The following PPARGC1A variants were observed in gnomAD, a reference collection of about 807,000 sequenced individuals.
PPARGC1A encodes PPARG coactivator 1 alpha.
Under a neutral mutation model 88.7 loss-of-function variants are expected in PPARGC1A, and 25 were observed. The observed-to-expected ratio is 0.28, with a 90% CI of 0.21 to 0.39. PPARGC1A has a LOEUF of 0.39. PPARGC1A is among the 10% of genes least tolerant of loss of function. The pLI is 1.00. For synonymous variants in PPARGC1A, 363 were observed against 355.6 expected, an observed-to-expected ratio of 1.02 and a Z score of -0.24; for missense variants, 880 against 968.7, an observed-to-expected ratio of 0.91 and a Z score of 1.22.
chr4:23,944,659 C>A, the PPARGC1A span, among the ~76,000 whole-genome samples: 2 of 152,160 alleles, frequency 1.3e-5, no homozygotes, highest in African/African-American at 4.8e-5. Flanking sequence ...TGGGAGGTAA[C>A]TGAATCAGAA....
chr4:24,410,465 C>T, the PPARGC1A span, among the ~76,000 whole-genome samples: 1 of 152,226 alleles, frequency 6.6e-6, no homozygotes, highest in African/African-American at 2.4e-5. Flanking sequence ...GACTCCTGCC[C>T]CCACCAACTA....
chr4:24,273,030 C>T, the PPARGC1A span, among the ~76,000 whole-genome samples: 1 of 152,194 alleles, frequency 6.6e-6, no homozygotes, highest in Non-Finnish European at 1.5e-5. Context: ...CAGCCACTTT[C>T]AAGGGATTTT....
chr4:24,238,004 C>T, the PPARGC1A span, among the ~76,000 whole-genome samples: 49 of 152,242 alleles, frequency 3.2e-4, 1 homozygote, highest in Non-Finnish European at 5.6e-4. Flanking sequence ...ATAGCTTCCA[C>T]GTGGATGAGG....
At chr4:24,416,988 C>T in the PPARGC1A span, among the ~76,000 whole-genome samples, 6 of 151,110 alleles carry the variant, frequency 4.0e-5, no homozygotes, top group Admixed American at 4.0e-4. Flanking sequence ...CGAGATCACA[C>T]CATTGCACTC....
the PPARGC1A span, among the ~76,000 whole-genome samples, chr4:23,925,953 T>G: frequency 1.3e-5 from 2 of 152,158 alleles, no homozygotes; most frequent in Admixed American, 1.3e-4. Context: ...AGATTGGTGT[T>G]AGTTGGGCTC....
chr4:24,450,588 TA>T, the PPARGC1A span, among the ~76,000 whole-genome samples: 2 of 151,968 alleles, frequency 1.3e-5, no homozygotes, highest in South Asian at 2.1e-4. Flanking sequence ...TCTTCCCAGT[TA>T]AAAAAAAGGT....
the PPARGC1A span, among the ~76,000 whole-genome samples, chr4:24,188,582 T>A: frequency 2.6e-5 from 4 of 152,116 alleles, no homozygotes; most frequent in Admixed American, 1.3e-4. Context: ...CAATGTGATC[T>A]TAAAATCTGA....
At chr4:24,216,371 CA>C in the PPARGC1A span, among the ~76,000 whole-genome samples, 2 of 152,000 alleles carry the variant, frequency 1.3e-5, no homozygotes. Context: ...TGGTCTCAAA[CA>C]CCTGGGCTCA....
At chr4:24,356,544 T>C in the PPARGC1A span, among the ~76,000 whole-genome samples, 1 of 152,224 alleles carries the variant, frequency 6.6e-6, no homozygotes. Flanking sequence ...ATAATACTTT[T>C]AAGTGACCAA....
the PPARGC1A span, among the ~76,000 whole-genome samples, chr4:24,363,705 G>C: frequency 1.3e-5 from 2 of 152,104 alleles, no homozygotes; most frequent in African/African-American, 4.8e-5. Context: ...ATATTTACTT[G>C]ATTATTTAAT....
At chr4:24,243,096 T>A in the PPARGC1A span, among the ~76,000 whole-genome samples, 2 of 152,166 alleles carry the variant, frequency 1.3e-5, no homozygotes, top group Admixed American at 1.3e-4. Context: ...AGGGATGGCA[T>A]CCTTGCTCCA....
chr4:24,311,155 A>C, the PPARGC1A span, among the ~76,000 whole-genome samples: 3 of 114,516 alleles, frequency 2.6e-5, no homozygotes, highest in Non-Finnish European at 4.9e-5. Context: ...GCTAGAGTGC[A>C]GTGGCGAGAT....
chr4:24,006,023 T>C, the PPARGC1A span, among the ~76,000 whole-genome samples: 2 of 152,026 alleles, frequency 1.3e-5, no homozygotes, highest in African/African-American at 4.8e-5. Context: ...GTTTTGTTTT[T>C]GGTTTTGTTT....
chr4:24,461,631 CTTT>C, the PPARGC1A span, among the ~76,000 whole-genome samples: 1 of 151,610 alleles, frequency 6.6e-6, no homozygotes, highest in African/African-American at 2.4e-5. Context: ...GTGTGTGTGA[CTTT>C]TGTGTCTCTC....
At chr4:24,431,458 G>C in the PPARGC1A span, among the ~76,000 whole-genome samples, 1 of 152,142 alleles carries the variant, frequency 6.6e-6, no homozygotes, top group Non-Finnish European at 1.5e-5. Context: ...TAGAAACATG[G>C]ATACAGATGA....
the PPARGC1A span, among the ~76,000 whole-genome samples, chr4:24,228,077 T>C: frequency 6.6e-6 from 1 of 152,108 alleles, no homozygotes; most frequent in South Asian, 2.1e-4. Context: ...CCAGCTACTC[T>C]CAGGAAGCTG....
chr4:24,048,398 C>T, the PPARGC1A span, among the ~76,000 whole-genome samples: 1 of 152,152 alleles, frequency 6.6e-6, no homozygotes, highest in Non-Finnish European at 1.5e-5. Flanking sequence ...CAATACTTTA[C>T]TTCTCTTTCT....
the PPARGC1A span, among the ~76,000 whole-genome samples, chr4:24,110,259 T>TCC: frequency 6.6e-6 from 1 of 152,148 alleles, no homozygotes; most frequent in South Asian, 2.1e-4. Flanking sequence ...AACCCAAATG[T>TCC]AGTTTAAAAC....
At chr4:24,386,281 T>C in the PPARGC1A span, among the ~76,000 whole-genome samples, 13 of 152,166 alleles carry the variant, frequency 8.5e-5, no homozygotes, top group African/African-American at 3.1e-4. Context: ...CCACAGTCAA[T>C]ATCATACTGA....
Sources: gnomAD v4.1 joint callset for allele counts (sites outside exome capture counted in the v4.1 genomes callset) on GRCh38, gnomAD v4.1.1 for gene constraint, MANE v1.5 for transcripts, NCBI Gene and HGNC (gene_info 2026-07-23, HGNC 2026-07-21) for gene names.